SLC37A1: variants seen among roughly 807,000 people sequenced by gnomAD.
The protein encoded by SLC37A1 is solute carrier family 37 member 1.
In SLC37A1, 49 loss-of-function variants were observed where a neutral mutation model predicts 75.3. The observed-to-expected ratio is 0.65, with a 90% confidence interval of 0.52 to 0.83. The LOEUF (loss-of-function observed/expected upper bound fraction) is 0.83. Among genes scored for constraint, SLC37A1 ranks in the 40% least tolerant of loss-of-function variants. The pLI, the probability that SLC37A1 is intolerant of heterozygous loss-of-function variation, is 0.00. For synonymous variants in SLC37A1, 268 were observed against 292.1 expected (o/e 0.92, Z 0.84); for missense variants, 566 against 695.0 (o/e 0.81, Z 2.09).
intron 16 of SLC37A1, among the ~76,000 whole-genome samples, chr21:42,567,360 G>A (rs113634156): frequency 0.09 from 13,697 of 152,248 alleles, 858 homozygotes; most frequent in Non-Finnish European, 0.13. Context: ...TGTCCTGGAC[G>A]CCTCTGCAGA....
intron 10 of SLC37A1, 22 bp downstream of exon 10, chr21:42,554,164 C>T (rs759836832): frequency 6.2e-7 from 1 of 1,608,306 alleles, no homozygotes; most frequent in East Asian, 2.2e-5. Flanking sequence ...ACAACTTCCA[C>T]TTCCTAGAAT....
At position 42,518,488 on chromosome 21, in the gene SLC37A1, A is replaced by C; in HGVS notation, c.34A>C (p.Ile12Leu). Residue 12 changes from isoleucine (I) to leucine (L), a missense_variant, in exon 2 of 20, where the codon ATC (isoleucine) becomes CTC (leucine). By Grantham distance (5) the Ile-to-Leu change is conservative (BLOSUM62 2). Transcript: ENST00000352133. ...ARLPAGIRFI[I>L]SFSRDQWYRA... The stretch of plus-strand genomic sequence containing the variant: ...ACTCCCCGCTGGCATTCGCTTCATC[A>C]TCTCATTCTCCAGGGATCAGTGGTG... The C allele has an allele frequency of 6.2e-7, 1 of 1,614,146 alleles. No homozygotes were observed. Among genetic ancestry groups the C allele is most frequent in the Non-Finnish European group, 8.5e-7 (1 of 1,180,030 alleles).
intron 17 of SLC37A1, among the ~76,000 whole-genome samples, chr21:42,569,525 ACTCCCTCG>A (rs1352557512): frequency 2.7e-4 from 5 of 18,688 alleles, no homozygotes; most frequent in African/African-American, 8.1e-4. Flanking sequence ...CTCGTGCCGC[ACTCCCTCG>A]TGCCGCACTC....
intron 17 of SLC37A1, among the ~76,000 whole-genome samples, chr21:42,574,515 C>T (rs1352886836): frequency 6.6e-6 from 1 of 152,176 alleles, no homozygotes; most frequent in African/African-American, 2.4e-5. Context: ...ATTTGCATTA[C>T]ACTGGTTGAG....
rs375664854 is a variant in SLC37A1 at position 42,547,146 on chromosome 21, G to T, written c.768+6G>T. 2.5e-6 allele frequency: 4 copies of T among 1,614,016 alleles called. No homozygotes were observed. Among genetic ancestry groups the T allele is most frequent in the Admixed American group, 1.7e-5 (1 of 59,996 alleles). ...GCTCCTCCACCCTGGTGACGGTAAG[G>T]ACCCTGTTTTCTTGTCCTTTTCTAG... On this transcript the variant is annotated splice_donor_region_variant and intron_variant, in intron 9 of 19. Coordinates refer to ENST00000352133, the MANE Select transcript of SLC37A1 (RefSeq NM_001320537.2). This position sits in a 1 kb window ranked among gnomAD's most constrained non-coding sequence, Gnocchi z 6.1.
intron 3 of SLC37A1, among the ~76,000 whole-genome samples, chr21:42,527,542 A>G (rs1454885562): frequency 6.6e-6 from 1 of 152,094 alleles, no homozygotes; most frequent in African/African-American, 2.4e-5. Context: ...GGGTATGACA[A>G]ACTGCCACAT....
chr21:42,579,906 T>A, intron 19 of SLC37A1, 106 bp downstream of exon 19: 1 of 1,061,544 alleles, frequency 9.4e-7, no homozygotes, highest in Non-Finnish European at 1.4e-6. Flanking sequence ...AGAAAACGCG[T>A]GGCTTATCTT....
chr21:42,545,571 AG>A lies in SLC37A1; in HGVS notation c.731-1530del, dbSNP rs1273044774. ...ACAGGGCGTCCCCTGCTCCTTTCTC[AG>A]GCCTCTCTGAGTCTCCTTTCTGAAG... On this transcript the variant is annotated intron_variant, in intron 8 of 19. Coordinates refer to ENST00000352133, the MANE Select transcript of SLC37A1 (RefSeq NM_001320537.2). The surrounding 1 kb of genome is among the most constrained non-coding windows in gnomAD (Gnocchi z 4.0). Among the ~76,000 whole-genome samples the A allele has an allele frequency of 1.3e-5, 2 of 152,206 alleles. No individual in the cohort carries two copies. The highest frequency in any genetic ancestry group is 3.8e-4 in the East Asian group (2 of 5,200).
At chr21:42,507,658 C>T (rs757382281) in intron 2 of SLC37A1, among the ~76,000 whole-genome samples, 1 of 152,292 alleles carries the variant, frequency 6.6e-6, no homozygotes, top group Non-Finnish European at 1.5e-5. Context: ...GTACTTCTTA[C>T]GAAGGCCTCA....
At chr21:42,511,430 A>G (rs766766677), upstream of SLC37A1, among the ~76,000 whole-genome samples, 13 of 152,222 alleles carry the variant, frequency 8.5e-5, no homozygotes, top group Non-Finnish European at 1.9e-4. Flanking sequence ...ATTTCCTGTC[A>G]TTTGCAACAA....
chr21:42,566,945 G>C (rs973124449), intron 15 of SLC37A1, 40 bp from the exon 16 acceptor site: 2 of 1,589,180 alleles, frequency 1.3e-6, no homozygotes, highest in African/African-American at 2.7e-5. Flanking sequence ...GGGCTCTCTG[G>C]AGGGCACATT....
rs1341530727 is a variant in SLC37A1 at position 42,518,288 on chromosome 21, A to G, written c.-167A>G. ...CCTCCTCCTTGTAGAGAGCAGAGCCACTGCCAGAAGGAAGGGGACAAGACC... is the reference window on the plus strand; with the variant it reads ...CCTCCTCCTTGTAGAGAGCAGAGCCGCTGCCAGAAGGAAGGGGACAAGACC... On this transcript the variant is annotated 5_prime_UTR_variant, in exon 2 of 20. Coordinates refer to ENST00000352133, the MANE Select transcript of SLC37A1 (RefSeq NM_001320537.2). 1 of 737,662 alleles carries G rather than the reference A, an allele frequency of 1.4e-6. No individual in the cohort carries two copies. The highest frequency in any genetic ancestry group is 1.7e-5 in the African/African-American group (1 of 57,906). 45.7% of individuals were successfully genotyped at this position (737,662 alleles called of 1,614,324 possible).
chr21:42,533,232 G>A (rs1014963084), intron 3 of SLC37A1, among the ~76,000 whole-genome samples: 4 of 152,102 alleles, frequency 2.6e-5, no homozygotes, highest in African/African-American at 9.7e-5. Flanking sequence ...TCCAGCTCAC[G>A]AGGACACCCC....
chr21:42,527,999 ATTAT>A (rs2054846138), intron 3 of SLC37A1, among the ~76,000 whole-genome samples: 1 of 152,226 alleles, frequency 6.6e-6, no homozygotes, highest in African/African-American at 2.4e-5. Flanking sequence ...CAGTTGAGTG[ATTAT>A]TTATAGCCTG....
In SLC37A1 at chr21:42,518,319, G is replaced by C; in HGVS notation, c.-136G>C. ...AGAAGGAAGGGGACAAGACCCAGCA[G>C]GACACCTTCTTTCCACGCTTTCCAG... On this transcript the variant is annotated 5_prime_UTR_variant, in exon 2 of 20. Transcript: ENST00000352133. The C allele has an allele frequency of 9.3e-7, 1 of 1,076,006 alleles. No individual in the cohort carries two copies. The allele number at this position is 1,076,006 out of a possible 1,614,324, so 66.7% of individuals were successfully genotyped here. A position where few individuals can be genotyped will look rare whatever the true frequency, so the allele number is the denominator to read the frequency against.
In SLC37A1 at chr21:42,559,074, G is replaced by T. The variant is rs112386937; in HGVS notation, c.966G>T (p.Gly322=). ...GSGTAAISFT[G]ALKIPGVIEF... is the part of the protein sequence containing the mutation. The stretch of plus-strand genomic sequence containing the variant: ...GCACGGCCGCCATCAGCTTCACAGG[G>T]GCCTTGAAAATTCCAGTAAGTAAAC... Residue 322 remains glycine (G), a synonymous_variant, in exon 11 of 20, where the codon GGG becomes GGT. Coordinates refer to ENST00000352133, the MANE Select transcript of SLC37A1 (RefSeq NM_001320537.2). 1.9e-6 allele frequency: 3 copies of T among 1,610,752 alleles called. No individual in the cohort carries two copies.
At chr21:42,556,900 G>A (rs891683109) in intron 10 of SLC37A1, among the ~76,000 whole-genome samples, 5 of 152,118 alleles carry the variant, frequency 3.3e-5, no homozygotes, top group African/African-American at 1.2e-4. Flanking sequence ...TGTGAGCACA[G>A]GGCCCGTTCT....
At chr21:42,559,790 C>T (rs1266483208) in intron 11 of SLC37A1, among the ~76,000 whole-genome samples, 7 of 151,602 alleles carry the variant, frequency 4.6e-5, no homozygotes, top group Admixed American at 2.6e-4. Context: ...GCGGGAGAAT[C>T]GCTTGAACCC....
chr21:42,525,703 AAC>A (rs1397679563), intron 2 of SLC37A1, 71 bp from the exon 3 acceptor site: 4 of 1,058,972 alleles, frequency 3.8e-6, no homozygotes, highest in African/African-American at 3.1e-5. Context: ...AACGTTTCAG[AAC>A]ACAGTGATAT....
Sources: allele counts gnomAD v4.1 joint callset (sites outside exome capture counted in the v4.1 genomes callset), GRCh38; gene constraint gnomAD v4.1.1; non-coding constraint Gnocchi (gnomAD v3.1); transcripts MANE v1.5; gene names NCBI Gene and HGNC (gene_info 2026-07-23, HGNC 2026-07-21).